C4orf51: variants seen among roughly 807,000 people sequenced by gnomAD.
C4orf51 encodes the protein uncharacterized protein C4orf51.
C4orf51 carries 25 observed loss-of-function variants against 25.2 expected under a neutral mutation model. The ratio of observed to expected loss-of-function variants is 0.99; its 90% CI spans 0.72 to 1.39. C4orf51 has a LOEUF of 1.39. Among genes scored for constraint, C4orf51 ranks in the 40% most tolerant of loss-of-function variants. The pLI is 0.00. For missense variants in C4orf51, 252 were observed against 239.6 expected, an observed-to-expected ratio of 1.05 and a Z score of -0.34; for synonymous variants, 100 against 84.5, an observed-to-expected ratio of 1.18 and a Z score of -1.01.
rs1295129137 is a variant in C4orf51, at chr4:145,732,678, T to A, written c.*118T>A. ...GCCCCGCCCAGGAACGTCTGGACCC[T>A]GGCAGGTTGGCTTTCTGGGACAATT... On this transcript the variant is annotated 3_prime_UTR_variant, in exon 6 of 6. Coordinates refer to ENST00000438731, the MANE Select transcript of C4orf51 (RefSeq NM_001080531.3). 9.0e-6 allele frequency: 5 copies of A among 553,548 alleles called. No individual in the cohort carries two copies. The highest frequency in any genetic ancestry group is 4.1e-5 in the Admixed American group (1 of 24,138). 34.3% of individuals were successfully genotyped at this position (553,548 alleles called of 1,614,324 possible).
At chr4:145,781,228 G>GAA in the C4orf51 span, among the ~76,000 whole-genome samples, 60 of 99,622 alleles carry the variant, frequency 6.0e-4, no homozygotes, top group South Asian at 9.8e-4. Context: ...GAAAAAAAAA[G>GAA]AAAAAAAAAA....
At chr4:145,693,640 G>T (rs1307074910) in intron 1 of C4orf51, among the ~76,000 whole-genome samples, 4 of 118,200 alleles carry the variant, frequency 3.4e-5, no homozygotes, top group Admixed American at 8.8e-5. Context: ...CTCCCGGACG[G>T]GGCGGCTGGC....
chr4:145,734,262 CGG>C (rs1560857134), downstream of C4orf51, among the ~76,000 whole-genome samples: 11 of 152,134 alleles, frequency 7.2e-5, no homozygotes, highest in Admixed American at 2.0e-4. Context: ...AAAAGGGAAC[CGG>C]CAGGTTCATA....
At chr4:145,776,194 C>T in the C4orf51 span, among the ~76,000 whole-genome samples, 1 of 152,146 alleles carries the variant, frequency 6.6e-6, no homozygotes, top group Admixed American at 6.5e-5. Flanking sequence ...CTGTGGCTCA[C>T]ACCTGTAATT....
At chr4:145,693,818 G>C (rs1729794385) in intron 1 of C4orf51, among the ~76,000 whole-genome samples, 1 of 55,404 alleles carries the variant, frequency 1.8e-5, no homozygotes, top group Non-Finnish European at 3.5e-5. Flanking sequence ...CTCCCGGACG[G>C]GGCGGCTGGC....
rs1018015124 is a variant in C4orf51 at position 145,708,222 on chromosome 4, T to C, written c.307+11590T>C. Among the ~76,000 whole-genome samples, 6 of 152,246 alleles carry C rather than the reference T, an allele frequency of 3.9e-5. No homozygotes were observed. The East Asian group carries it at 1.2e-3, about 29-fold the overall frequency. On this transcript the variant is annotated intron_variant, in intron 2 of 5. Transcript: ENST00000438731. ...CCTGTCCTCCTTATTCTGCTCTTAG[T>C]TATGAAAGACTGAAGAGGTTAATCT...
At chr4:145,780,883 C>T in the C4orf51 span, among the ~76,000 whole-genome samples, 2 of 152,210 alleles carry the variant, frequency 1.3e-5, no homozygotes, top group African/African-American at 4.8e-5. Context: ...GTGGTAAGAA[C>T]TTCTCCTAAT....
intron 1 of C4orf51, among the ~76,000 whole-genome samples, chr4:145,744,832 A>C (rs1733280441): frequency 6.7e-6 from 1 of 149,968 alleles, no homozygotes; most frequent in African/African-American, 2.4e-5. Context: ...CAGCCTGGGC[A>C]ACAGATTGAA....
At chr4:145,789,780 C>T in the C4orf51 span, among the ~76,000 whole-genome samples, 1 of 152,168 alleles carries the variant, frequency 6.6e-6, no homozygotes, top group African/African-American at 2.4e-5. Context: ...CGATTTGTTC[C>T]ACTGTAAATT....
At chr4:145,682,481 G>A (rs1344261242) in intron 1 of C4orf51, among the ~76,000 whole-genome samples, 1 of 152,120 alleles carries the variant, frequency 6.6e-6, no homozygotes, top group Non-Finnish European at 1.5e-5. Flanking sequence ...AAGTCAGAAT[G>A]GTCCAAGGAG....
rs1304050799 is a variant in C4orf51 at position 145,761,469 on chromosome 4, C to T, written n.167-9519C>T. 7.0e-6 allele frequency: 9 copies of T among 1,289,722 alleles called. No individual in the cohort carries two copies. Among genetic ancestry groups the T allele is most frequent in the Middle Eastern group, 4.2e-4 (2 of 4,718 alleles). 79.9% of individuals were successfully genotyped at this position (1,289,722 alleles called of 1,614,324 possible). On this transcript the variant is annotated intron_variant and non_coding_transcript_variant, in intron 1 of 1. Coordinates refer to the C4orf51 transcript ENST00000510096. The surrounding 1 kb of genome is among the most constrained non-coding windows in gnomAD (Gnocchi z 6.8). ...TGCCCAGGCGGTGCTCCCGGGTGTG[C>T]GTCTCCAGCTCCAGCTGGTTGGCCT... is the stretch of plus-strand genomic sequence containing the variant.
At chr4:145,739,215 T>C (rs114128348) in intron 1 of C4orf51, among the ~76,000 whole-genome samples, 2,332 of 152,352 alleles carry the variant, frequency 0.015, 29 homozygotes, top group Non-Finnish European at 0.025. Flanking sequence ...CATTTAGTAA[T>C]ATAATTTCTC....
At chr4:145,738,660 G>T (rs934011259) in intron 1 of C4orf51, among the ~76,000 whole-genome samples, 1 of 151,674 alleles carries the variant, frequency 6.6e-6, no homozygotes, top group Non-Finnish European at 1.5e-5. Flanking sequence ...ATTATTTTGA[G>T]ATAGGGTCTT....
At chr4:145,732,415 G>A (rs1398611434) in intron 5 of C4orf51, 38 bp from the exon 6 acceptor site, 2 of 1,336,202 alleles carry the variant, frequency 1.5e-6, no homozygotes, top group East Asian at 4.6e-5. Flanking sequence ...GACCTTTGCG[G>A]ATGAGCGAGT....
chr4:145,770,844 G>T (rs1004271506), intron 1 of C4orf51: 2 of 152,136 alleles, frequency 1.3e-5, no homozygotes, highest in African/African-American at 4.8e-5. Context: ...GGGTCACAGG[G>T]CATTACATTT....
In C4orf51 at chr4:145,765,784, C is replaced by T; in HGVS notation, n.167-5204C>T. ...CCAGTCTGTTAATGAGATGAAAATC[C>T]TCAGAATTATAGCAACTGAGGGTGA... On this transcript the variant is annotated intron_variant and non_coding_transcript_variant, in intron 1 of 1. Transcript: ENST00000510096. This position sits in a 1 kb window ranked among gnomAD's most constrained non-coding sequence, Gnocchi z 4.7. 2 of 1,582,032 alleles carry T rather than the reference C, an allele frequency of 1.3e-6. No homozygotes were observed. Among genetic ancestry groups the T allele is most frequent in the South Asian group, 2.3e-5 (2 of 86,282 alleles).
chr4:145,764,804 C>T, intron 1 of C4orf51: 1 of 730,366 alleles, frequency 1.4e-6, no homozygotes. Context: ...CATCTGTTGA[C>T]ACCCTAGGGG....
At chr4:145,788,416 GAATCCAGGCC>G in the C4orf51 span, among the ~76,000 whole-genome samples, 44 of 152,186 alleles carry the variant, frequency 2.9e-4, no homozygotes, top group African/African-American at 3.1e-4. Context: ...GTCACTGCCA[GAATCCAGGCC>G]AATTGATGGC....
chr4:145,707,895 A>C (rs546176263), intron 2 of C4orf51, among the ~76,000 whole-genome samples: 1 of 152,324 alleles, frequency 6.6e-6, no homozygotes, highest in African/African-American at 2.4e-5. Flanking sequence ...TCTGATTTGG[A>C]AGCCAGTCAG....
Sources: allele counts gnomAD v4.1 joint callset (sites outside exome capture counted in the v4.1 genomes callset), GRCh38; gene constraint gnomAD v4.1.1; non-coding constraint Gnocchi (gnomAD v3.1); transcripts MANE v1.5; gene names NCBI Gene and HGNC (gene_info 2026-07-23, HGNC 2026-07-21).